The following NKAIN3 variants were observed in gnomAD, a reference collection of about 807,000 sequenced individuals.
NKAIN3 encodes the protein sodium/potassium-transporting ATPase subunit beta-1-interacting protein 3.
NKAIN3 carries 25 observed loss-of-function variants against 30.2 expected under a neutral mutation model. That is an observed-to-expected ratio of 0.83 (90% CI 0.60 to 1.16). The LOEUF is 1.16. Ranked by LOEUF, NKAIN3 falls within the 50% of genes most tolerant of loss-of-function variation. The probability of loss-of-function intolerance (pLI) is 0.00; values close to 1 mark genes in which losing one functional copy is unlikely to be tolerated. For missense variants in NKAIN3, 225 were observed against 254.1 expected, an observed-to-expected ratio of 0.89 and a Z score of 0.78; for synonymous variants, 91 against 89.6, an observed-to-expected ratio of 1.02 and a Z score of -0.09.
intron 1 of NKAIN3, among the ~76,000 whole-genome samples, chr8:62,406,536 G>A (rs1804071944): frequency 6.6e-6 from 1 of 152,048 alleles, no homozygotes; most frequent in Admixed American, 6.6e-5. Flanking sequence ...ATATTTGGAA[G>A]CTGTTGCTTT....
chr8:62,389,220 T>G (rs1313473610), intron 1 of NKAIN3, among the ~76,000 whole-genome samples: 2 of 152,250 alleles, frequency 1.3e-5, no homozygotes, highest in Non-Finnish European at 1.5e-5. Flanking sequence ...AATAATATTT[T>G]TGTATATCTA....
At chr8:62,875,171 TA>T (rs1820758072) in intron 4 of NKAIN3, among the ~76,000 whole-genome samples, 1 of 152,074 alleles carries the variant, frequency 6.6e-6, no homozygotes, top group South Asian at 2.1e-4. Flanking sequence ...ACCATTCCTA[TA>T]CACCAACAAT....
intron 3 of NKAIN3, among the ~76,000 whole-genome samples, chr8:62,680,975 C>G (rs1813627162): frequency 6.6e-6 from 1 of 152,114 alleles, no homozygotes; most frequent in Admixed American, 6.6e-5. Context: ...TTTTATGAGA[C>G]AGTAGCAACT....
intron 1 of NKAIN3, among the ~76,000 whole-genome samples, chr8:62,293,060 T>C (rs1054694939): frequency 2.6e-5 from 4 of 152,214 alleles, no homozygotes; most frequent in African/African-American, 7.2e-5. Context: ...GTAGTTCTGA[T>C]GCCATGGTTT....
At chr8:62,548,228 T>C (rs1415679533) in intron 1 of NKAIN3, among the ~76,000 whole-genome samples, 1 of 152,226 alleles carries the variant, frequency 6.6e-6, no homozygotes, top group Non-Finnish European at 1.5e-5. Flanking sequence ...TTCAACTAGC[T>C]AGAGTTGAAC....
chr8:62,323,372 G>C (rs758025855), intron 1 of NKAIN3, among the ~76,000 whole-genome samples: 1 of 152,190 alleles, frequency 6.6e-6, no homozygotes, highest in Non-Finnish European at 1.5e-5. Context: ...TTAACTATGT[G>C]TGTAGTCAAA....
chr8:62,694,142 AGTC>A (rs1814078080), intron 3 of NKAIN3, among the ~76,000 whole-genome samples: 1 of 152,118 alleles, frequency 6.6e-6, no homozygotes, highest in Non-Finnish European at 1.5e-5. Context: ...TGTTCACTAT[AGTC>A]TTTCTACTAT....
At chr8:62,924,374 A>G (rs967785622) in intron 5 of NKAIN3, among the ~76,000 whole-genome samples, 3 of 152,240 alleles carry the variant, frequency 2.0e-5, no homozygotes, top group Non-Finnish European at 4.4e-5. Context: ...ACACAACTGT[A>G]ATTTTTTAAA....
chr8:62,500,930 A>G (rs898385525), intron 1 of NKAIN3, among the ~76,000 whole-genome samples: 1 of 152,218 alleles, frequency 6.6e-6, no homozygotes, highest in African/African-American at 2.4e-5. Flanking sequence ...GCACGCCATC[A>G]TAACGGGGAT....
chr8:62,333,158 A>T (rs1029894056), intron 1 of NKAIN3, among the ~76,000 whole-genome samples: 23 of 152,082 alleles, frequency 1.5e-4, no homozygotes, highest in Non-Finnish European at 5.9e-5. Flanking sequence ...TAAGAAATTA[A>T]TTTTTTTCAT....
rs546594545 is a variant in NKAIN3, at chr8:62,690,964, A to T, written c.274-55968A>T. On this transcript the variant is annotated intron_variant, in intron 3 of 6. Transcript: ENST00000623646. ...TTTAGATCCTGAGCAGAAGCCAAGGAATAAATTATGAAAACAACGATTTGT... is the reference window on the plus strand; with the variant it reads ...TTTAGATCCTGAGCAGAAGCCAAGGTATAAATTATGAAAACAACGATTTGT... 2.0e-5 allele frequency among the ~76,000 whole-genome samples: 3 copies of T among 152,336 alleles called. No homozygotes were observed. The South Asian group carries it at 6.2e-4, about 32-fold the overall frequency.
intron 3 of NKAIN3, among the ~76,000 whole-genome samples, chr8:62,714,377 C>T (rs987503645): frequency 1.3e-5 from 2 of 151,472 alleles, no homozygotes; most frequent in Non-Finnish European, 2.9e-5. Context: ...AGCTATAAAT[C>T]TTTGTATTTA....
intron 3 of NKAIN3, among the ~76,000 whole-genome samples, chr8:62,666,402 T>C (rs1423979320): frequency 6.6e-6 from 1 of 152,174 alleles, no homozygotes; most frequent in Admixed American, 6.5e-5. Context: ...ATCCAAATGA[T>C]ATGATTATCA....
chr8:62,784,701 C>G (rs1230851667), intron 4 of NKAIN3, among the ~76,000 whole-genome samples: 1 of 152,002 alleles, frequency 6.6e-6, no homozygotes, highest in Non-Finnish European at 1.5e-5. Flanking sequence ...ATTTTTATAC[C>G]AATTCTTCAC....
chr8:62,932,197 A>G lies in NKAIN3; in HGVS notation c.532+13684A>G, dbSNP rs556468763. ...ATAAATAAACAAACTTAAATAGCTA[A>G]TTTTTCACTTATTAATTGATTCACT... is the stretch of plus-strand genomic sequence containing the variant. On this transcript the variant is annotated intron_variant, in intron 5 of 6. Transcript: ENST00000623646. 2.2e-4 allele frequency among the ~76,000 whole-genome samples: 33 copies of G among 152,206 alleles called. 1 individual carries two copies. Among genetic ancestry groups the G allele is most frequent in the Admixed American group, 2.2e-3 (33 of 15,282 alleles).
chr8:62,445,991 G>A (rs887473545), intron 1 of NKAIN3, among the ~76,000 whole-genome samples: 1 of 152,180 alleles, frequency 6.6e-6, no homozygotes, highest in Non-Finnish European at 1.5e-5. Flanking sequence ...TAGCAGTTTA[G>A]AGTGGCAAGA....
At chr8:62,413,447 A>G (rs1804328983) in intron 1 of NKAIN3, among the ~76,000 whole-genome samples, 1 of 152,146 alleles carries the variant, frequency 6.6e-6, no homozygotes, top group Non-Finnish European at 1.5e-5. Flanking sequence ...TGAGCCTCAC[A>G]TTATGTAATT....
At position 62,881,130 on chromosome 8, in the gene NKAIN3, TTTTACATTAGGGTTCACTCTGGCA is replaced by T. The variant is rs1288229819; in HGVS notation, c.472-37302_472-37279del. Reference sequence around the variant, plus strand: ...CATCATCATTACCAAAAGCCCATCATTTTACATTAGGGTTCACTCTGGCATTTACATTAGGGTTCACTCTTGACA... The same window carrying T: ...CATCATCATTACCAAAAGCCCATCATTTTACATTAGGGTTCACTCTTGACA... On this transcript the variant is annotated intron_variant, in intron 4 of 6. Transcript: ENST00000623646. 7.2e-5 allele frequency among the ~76,000 whole-genome samples: 11 copies of T among 152,324 alleles called. No homozygotes were observed. In the South Asian group the frequency reaches 1.0e-3, roughly 14 times the overall value.
intron 1 of NKAIN3, among the ~76,000 whole-genome samples, chr8:62,577,118 G>A (rs1263353791): frequency 6.6e-6 from 1 of 152,028 alleles, no homozygotes; most frequent in African/African-American, 2.4e-5. Context: ...AGTTTGTTTA[G>A]TTGTTACAGC....
Sources: allele counts gnomAD v4.1 joint callset (sites outside exome capture counted in the v4.1 genomes callset), GRCh38; gene constraint gnomAD v4.1.1; transcripts MANE v1.5; gene names NCBI Gene and HGNC (gene_info 2026-07-23, HGNC 2026-07-21).